The following GPR89B variants were observed in gnomAD, a reference collection of about 807,000 sequenced individuals.
GPR89B encodes G protein-coupled receptor 89B.
A neutral mutation model predicts 52.4 loss-of-function variants in GPR89B; 25 were observed. The observed-to-expected ratio is 0.48, with a 90% confidence interval of 0.35 to 0.67. The LOEUF (loss-of-function observed/expected upper bound fraction) is 0.67. GPR89B is among the 30% of genes least tolerant of loss of function. The probability of loss-of-function intolerance (pLI) is 0.01; values close to 1 mark genes in which losing one functional copy is unlikely to be tolerated. For missense variants in GPR89B, 146 were observed against 450.2 expected (o/e 0.32, Z 6.11); for synonymous variants, 52 against 151.2 (o/e 0.34, Z 4.81).
rs1489525013 is a variant in GPR89B at position 147,978,135 on chromosome 1, C to T, written c.910-8064C>T. Among the ~76,000 whole-genome samples the T allele has an allele frequency of 7.9e-3, 1,197 of 151,446 alleles. 36 individuals carry two copies. Among genetic ancestry groups the T allele is most frequent in the East Asian group, 0.046 (237 of 5,108 alleles). On this transcript the variant is annotated intron_variant, in intron 10 of 13. Transcript: ENST00000314163. ...TTCTCATCATCCTCAGTTTATCTAC[C>T]TTCGATTTTTGAGGCTGCTGACCTT...
At chr1:148,002,098 C>G in the GPR89B span, among the ~76,000 whole-genome samples, 1 of 143,480 alleles carries the variant, frequency 7.0e-6, no homozygotes, top group Non-Finnish European at 1.5e-5. Context: ...TGCTGGGTAT[C>G]TCCAACAAAA....
intron 10 of GPR89B, among the ~76,000 whole-genome samples, chr1:147,971,901 T>G (rs1313097243): frequency 6.6e-6 from 1 of 151,464 alleles, no homozygotes; most frequent in Non-Finnish European, 1.5e-5. Flanking sequence ...ATCACCACGG[T>G]CAAGACAGAG....
intron 7 of GPR89B, among the ~76,000 whole-genome samples, chr1:147,961,692 A>G (rs1558053750): frequency 6.6e-6 from 1 of 152,174 alleles, no homozygotes; most frequent in African/African-American, 2.4e-5. Flanking sequence ...AGCAACGGAC[A>G]TATGAACATC....
chr1:147,973,388 G>C (rs1427266501), intron 10 of GPR89B, among the ~76,000 whole-genome samples: 1 of 151,744 alleles, frequency 6.6e-6, no homozygotes, highest in African/African-American at 2.4e-5. Context: ...TTGTGGTTTT[G>C]ATTTGCATTT....
downstream of GPR89B, among the ~76,000 whole-genome samples, chr1:147,997,925 T>C (rs1281116047): frequency 1.3e-5 from 2 of 152,228 alleles, no homozygotes; most frequent in Non-Finnish European, 2.9e-5. Context: ...CTATGTATTG[T>C]TGTAAGCATT....
At chr1:148,007,216 C>T in the GPR89B span, among the ~76,000 whole-genome samples, 1 of 144,124 alleles carries the variant, frequency 6.9e-6, no homozygotes, top group Non-Finnish European at 1.5e-5. Context: ...GCTGGAACTA[C>T]AGGCGCCCAC....
chr1:147,994,263 G>A, downstream of GPR89B: 2 of 1,599,796 alleles, frequency 1.3e-6, no homozygotes, highest in Non-Finnish European at 1.7e-6. Flanking sequence ...CCCAGAAACA[G>A]CTATCAAATA....
Position 147,936,700 on chromosome 1 carries a change from A to G in GPR89B, c.102+14A>G, listed in dbSNP as rs199751108. On this transcript the variant is annotated intron_variant, in intron 2 of 13. Transcript: ENST00000314163. ...AAAGACTATGAGGTGAGAAGAAATC[A>G]TTTTGTCATACTTACACTATATGAA... 1.2e-6 allele frequency: 2 copies of G among 1,600,458 alleles called. No individual in the cohort carries two copies. Among genetic ancestry groups the G allele is most frequent in the Non-Finnish European group, 1.7e-6 (2 of 1,170,376 alleles).
At chr1:148,009,092 T>G in the GPR89B span, among the ~76,000 whole-genome samples, 110 of 152,094 alleles carry the variant, frequency 7.2e-4, 3 homozygotes, top group African/African-American at 2.6e-3. Context: ...TGACAAACAC[T>G]CAGGGACAGG....
chr1:148,017,833 A>T, the GPR89B span, among the ~76,000 whole-genome samples: 3 of 150,818 alleles, frequency 2.0e-5, no homozygotes, highest in Non-Finnish European at 4.4e-5. Context: ...ACATCCCTTT[A>T]TTAAAATATG....
intron 10 of GPR89B, among the ~76,000 whole-genome samples, chr1:147,970,555 ATCTCTCTCTC>A (rs1200595357): frequency 3.7e-4 from 28 of 76,552 alleles, no homozygotes; most frequent in African/African-American, 5.1e-4. Flanking sequence ...CTCTCTCTCT[ATCTCTCTCTC>A]TCTCTATATA....
chr1:147,977,413 C>G (rs1160555284), intron 10 of GPR89B, among the ~76,000 whole-genome samples: 2 of 151,508 alleles, frequency 1.3e-5, no homozygotes. Flanking sequence ...CTTGGAGAAT[C>G]TGATGATTAT....
At chr1:147,942,302 A>C (rs1197239126) in intron 3 of GPR89B, among the ~76,000 whole-genome samples, 2 of 149,078 alleles carry the variant, frequency 1.3e-5, no homozygotes, top group African/African-American at 4.9e-5. Flanking sequence ...CCAAAAAAAA[A>C]ACAGAAAATA....
intron 3 of GPR89B, among the ~76,000 whole-genome samples, chr1:147,941,227 C>G (rs1386192477): frequency 4.6e-5 from 7 of 152,296 alleles, no homozygotes; most frequent in Middle Eastern, 3.4e-3. Flanking sequence ...TCACTTTACT[C>G]TCAGCTCAAA....
At position 147,958,668 on chromosome 1, in the gene GPR89B, A is replaced by G. The variant is rs2797014; in HGVS notation, c.617+4266A>G. ...AAAAAAAAAAGTGAAGTCATGACCCATGTCAAGTGTGGATACATACTTTTA... is the reference window on the plus strand; with the variant it reads ...AAAAAAAAAAGTGAAGTCATGACCCGTGTCAAGTGTGGATACATACTTTTA... On this transcript the variant is annotated intron_variant, in intron 7 of 13. Coordinates refer to ENST00000314163, the MANE Select transcript of GPR89B (RefSeq NM_016334.5). 5.9e-4 allele frequency among the ~76,000 whole-genome samples: 88 copies of G among 150,308 alleles called. 1 individual carries two copies. Among genetic ancestry groups the G allele is most frequent in the African/African-American group, 2.0e-3 (82 of 40,776 alleles).
chr1:147,994,405 G>A, downstream of GPR89B: 1 of 1,116,712 alleles, frequency 9.0e-7, no homozygotes, highest in Non-Finnish European at 1.3e-6. Context: ...ATGAAAGAGG[G>A]ATGATCTATT....
intron 12 of GPR89B, among the ~76,000 whole-genome samples, chr1:147,990,113 T>C (rs1418002528): frequency 6.6e-6 from 1 of 152,228 alleles, no homozygotes; most frequent in Non-Finnish European, 1.5e-5. Context: ...CTCCACATCC[T>C]CTCCAGCACC....
At chr1:148,012,387 C>A in the GPR89B span, among the ~76,000 whole-genome samples, 2 of 151,868 alleles carry the variant, frequency 1.3e-5, no homozygotes, top group African/African-American at 2.4e-5. Flanking sequence ...CGGATTTCCC[C>A]TTTTACTGTT....
At chr1:148,018,709 C>G in the GPR89B span, among the ~76,000 whole-genome samples, 10 of 151,774 alleles carry the variant, frequency 6.6e-5, no homozygotes, top group East Asian at 1.9e-3. Flanking sequence ...TCTTGCTGCC[C>G]AGGCTGGAGT....
Sources: gnomAD v4.1 joint callset for allele counts (sites outside exome capture counted in the v4.1 genomes callset) on GRCh38, gnomAD v4.1.1 for gene constraint, MANE v1.5 for transcripts, NCBI Gene and HGNC (gene_info 2026-07-23, HGNC 2026-07-21) for gene names.